The following ALDH7A1 variants were observed in gnomAD, a reference collection of about 807,000 sequenced individuals.
ALDH7A1 encodes alpha-aminoadipic semialdehyde dehydrogenase.
ALDH7A1 carries 63 observed loss-of-function variants against 79.9 expected under a neutral mutation model. The observed-to-expected ratio is 0.79, with a 90% CI of 0.64 to 0.97. The LOEUF is 0.97. Ranked by LOEUF, ALDH7A1 falls within the 50% of genes least tolerant of loss-of-function variation. ALDH7A1 has a pLI of 0.00. For missense variants in ALDH7A1, 627 were observed against 665.2 expected (o/e 0.94, Z 0.63); for synonymous variants, 240 against 231.2 (o/e 1.04, Z -0.34).
chr5:126,560,830 T>C (rs187069498), intron 10 of ALDH7A1, among the ~76,000 whole-genome samples: 20 of 152,330 alleles, frequency 1.3e-4, no homozygotes, highest in African/African-American at 4.6e-4. Context: ...ACAATGGCAA[T>C]GGAAGTCTCA....
intron 5 of ALDH7A1, among the ~76,000 whole-genome samples, chr5:126,581,024 A>C (rs1165353409): frequency 2.0e-5 from 3 of 151,822 alleles, no homozygotes; most frequent in Non-Finnish European, 2.9e-5. Context: ...GGGTTTCTCC[A>C]TGTTGGCCAG....
chr5:126,559,378 A>G (rs1302451599), intron 10 of ALDH7A1, 44 bp from the exon 11 acceptor site: 1 of 1,419,112 alleles, frequency 7.0e-7, no homozygotes, highest in South Asian at 1.2e-5. Flanking sequence ...CAAAACAGGT[A>G]GACAAGGTAT....
intron 6 of ALDH7A1, 84 bp from the exon 7 acceptor site, chr5:126,575,548 A>G (rs1258456564): frequency 8.0e-7 from 1 of 1,246,752 alleles, no homozygotes; most frequent in Non-Finnish European, 1.1e-6. Flanking sequence ...AACAGAAGCA[A>G]AAGTGTGAGA....
intron 7 of ALDH7A1, among the ~76,000 whole-genome samples, chr5:126,574,588 G>A (rs1043657953): frequency 2.0e-5 from 3 of 151,610 alleles, no homozygotes; most frequent in East Asian, 1.9e-4. Flanking sequence ...CCAGCTACTC[G>A]GGAGGCTGAG....
Position 126,550,006 on chromosome 5 carries a change from T to G in ALDH7A1, c.1416-4A>C. On this transcript the variant is annotated splice_polypyrimidine_tract_variant and splice_region_variant and intron_variant, in intron 15 of 17. Coordinates refer to ENST00000409134, the MANE Select transcript of ALDH7A1 (RefSeq NM_001182.5). ...GCCACAGTCTGATCCTTTAGGTCTG[T>G]GTAAAAAGGGAGGCATGGTGAGAGC... 6.2e-7 allele frequency: 1 copy of G among 1,613,908 alleles called. No individual in the cohort carries two copies. The highest frequency in any genetic ancestry group is 8.5e-7 in the Non-Finnish European group (1 of 1,179,858).
chr5:126,546,590 G>A (rs945492493), intron 16 of ALDH7A1, among the ~76,000 whole-genome samples, 191 bp from the exon 17 acceptor site: 2 of 149,104 alleles, frequency 1.3e-5, no homozygotes, highest in Admixed American at 1.3e-4. Context: ...ACAGAAAAAA[G>A]GAATTAAGAG....
In ALDH7A1 at chr5:126,580,894, G is replaced by A. The variant is rs531716721; in HGVS notation, c.517+1957C>T. Reference sequence around the variant, plus strand: ...GGCTGCAGTGCAATGGCACGATCTCGGCTCACCGCCACCTCCGCCTCCCGG... The same window carrying A: ...GGCTGCAGTGCAATGGCACGATCTCAGCTCACCGCCACCTCCGCCTCCCGG... On this transcript the variant is annotated intron_variant, in intron 5 of 17. Coordinates refer to ENST00000409134, the MANE Select transcript of ALDH7A1 (RefSeq NM_001182.5). 9.9e-5 allele frequency among the ~76,000 whole-genome samples: 15 copies of A among 151,016 alleles called. No homozygotes were observed. In the East Asian group the frequency reaches 2.1e-3, roughly 22 times the overall value.
At chr5:126,546,291 G>T (rs764122407) in intron 17 of ALDH7A1, 33 bp downstream of exon 17, 1 of 1,601,776 alleles carries the variant, frequency 6.2e-7, no homozygotes, top group South Asian at 1.1e-5. Flanking sequence ...AGGGTTTTAA[G>T]CCCAAACCTA....
intron 5 of ALDH7A1, among the ~76,000 whole-genome samples, chr5:126,578,681 CAAAAATATTGTATT>C (rs943177039): frequency 6.8e-6 from 1 of 146,888 alleles, no homozygotes; most frequent in African/African-American, 2.5e-5. Flanking sequence ...AAAAAACAAA[CAAAAATATTGTATT>C]TTAAATACAA....
At chr5:126,545,437 A>AT (rs1315753666) in intron 17 of ALDH7A1, among the ~76,000 whole-genome samples, 1 of 151,330 alleles carries the variant, frequency 6.6e-6, no homozygotes, top group African/African-American at 2.4e-5. Flanking sequence ...TAATTTTTGT[A>AT]TTTTTAGTAG....
At chr5:126,555,712 C>T (rs1195469393) in intron 12 of ALDH7A1, among the ~76,000 whole-genome samples, 1 of 152,072 alleles carries the variant, frequency 6.6e-6, no homozygotes, top group Non-Finnish European at 1.5e-5. Context: ...AAATCTCATT[C>T]CATCTAAACA....
intron 14 of ALDH7A1, among the ~76,000 whole-genome samples, chr5:126,551,819 C>A (rs1331554639): frequency 6.6e-6 from 1 of 152,190 alleles, no homozygotes; most frequent in South Asian, 2.1e-4. Flanking sequence ...ACTACCCAAT[C>A]TGGTTTCCCT....
Position 126,577,103 on chromosome 5 carries a change from A to G in ALDH7A1, c.626T>C (p.Met209Thr). ...CCAGAGGCAGACATTTCCACAGATC[A>G]TGGCGATGGCGTTGTTCCAACCATA... ...AVYGWNNAIAMICGNVCLWKG... is the reference protein window; with the variant it reads ...AVYGWNNAIATICGNVCLWKG... The change falls in exon 6 of 18, where the codon ATG becomes ACG. Residue 209 changes from methionine to threonine, a missense_variant. Transcript: ENST00000409134. 1 of 1,614,152 alleles carries G rather than the reference A, an allele frequency of 6.2e-7. No homozygotes were observed. The highest frequency in any genetic ancestry group is 8.5e-7 in the Non-Finnish European group (1 of 1,180,008).
chr5:126,574,520 C>G (rs1418588263), intron 7 of ALDH7A1, among the ~76,000 whole-genome samples: 1 of 151,592 alleles, frequency 6.6e-6, no homozygotes, highest in Non-Finnish European at 1.5e-5. Flanking sequence ...ACGGTGAAAC[C>G]CCATCTCTAC....
chr5:126,594,884 A>G lies in ALDH7A1; in HGVS notation c.192+123T>C, dbSNP rs1181489953. The stretch of plus-strand genomic sequence containing the variant: ...CTACACGAGAAAACTTTTACTGTGG[A>G]GCTTCAAAATCTCCCATGCTACTAC... On this transcript the variant is annotated intron_variant, in intron 1 of 17. Transcript: ENST00000409134. 3.8e-6 allele frequency: 5 copies of G among 1,329,380 alleles called. No individual in the cohort carries two copies. In the South Asian group the frequency reaches 6.4e-5, roughly 17 times the overall value. 82.3% of individuals were successfully genotyped at this position (1,329,380 alleles called of 1,614,324 possible). A position where few individuals can be genotyped will look rare whatever the true frequency, so the allele number is the denominator to read the frequency against.
At position 126,552,037 on chromosome 5, in the gene ALDH7A1, T is replaced by C. The variant is rs747597620; in HGVS notation, c.1301A>G (p.Tyr434Cys). The change falls in exon 14 of 18, where the codon TAT becomes TGT. Residue 434 changes from tyrosine to cysteine, a missense_variant. Coordinates refer to ENST00000409134, the MANE Select transcript of ALDH7A1 (RefSeq NM_001182.5). ...AHTETFAPIL[Y>C]VFKFKNEEEV... ...CATTTTTACCTTGAATTTAAAGACATAGAGAATCGGAGCAAAAGTCTCTGT... is the reference window on the plus strand; with the variant it reads ...CATTTTTACCTTGAATTTAAAGACACAGAGAATCGGAGCAAAAGTCTCTGT... The C allele has an allele frequency of 8.7e-6, 14 of 1,613,052 alleles. No homozygotes were observed. The highest frequency in any genetic ancestry group is 8.3e-5 in the Admixed American group (5 of 60,004).
At chr5:126,552,834 C>T (rs974138275) in intron 13 of ALDH7A1, among the ~76,000 whole-genome samples, 4 of 151,788 alleles carry the variant, frequency 2.6e-5, no homozygotes, top group East Asian at 1.9e-4. Flanking sequence ...ATTGCAGCCT[C>T]GAACTTGTGG....
chr5:126,594,864 C>A, intron 1 of ALDH7A1, 143 bp downstream of exon 1: 1 of 1,142,206 alleles, frequency 8.8e-7, no homozygotes, highest in Non-Finnish European at 1.3e-6. Flanking sequence ...GCACCCTACA[C>A]GAGAAAACTT....
intron 4 of ALDH7A1, among the ~76,000 whole-genome samples, chr5:126,583,541 TAAA>T (rs1226716807): frequency 1.3e-5 from 2 of 148,380 alleles, no homozygotes; most frequent in African/African-American, 4.9e-5. Flanking sequence ...TTACTTTTCT[TAAA>T]AACTCTTCTA....
Sources: allele counts gnomAD v4.1 joint callset (sites outside exome capture counted in the v4.1 genomes callset), GRCh38; gene constraint gnomAD v4.1.1; transcripts MANE v1.5; gene names NCBI Gene and HGNC (gene_info 2026-07-23, HGNC 2026-07-21).